CLEC6A: variants seen among roughly 807,000 people sequenced by gnomAD.
CLEC6A encodes C-type lectin domain family 6 member A.
CLEC6A carries 22 observed loss-of-function variants against 25.7 expected under a neutral mutation model. That is an observed-to-expected ratio of 0.85 (90% CI 0.61 to 1.22). CLEC6A has a LOEUF of 1.22. Ranked by LOEUF, CLEC6A falls within the 50% of genes most tolerant of loss-of-function variation. The probability of loss-of-function intolerance (pLI) is 0.00; values close to 1 mark genes in which losing one functional copy is unlikely to be tolerated. For missense variants in CLEC6A, 240 were observed against 236.8 expected, an observed-to-expected ratio of 1.01 and a Z score of -0.09; for synonymous variants, 92 against 76.7, an observed-to-expected ratio of 1.20 and a Z score of -1.04.
chr12:8,457,963 G>T lies in CLEC6A; in HGVS notation c.97G>T (p.Ala33Ser). The T allele has an allele frequency of 6.2e-7, 1 of 1,613,726 alleles. No individual in the cohort carries two copies. The highest frequency in any genetic ancestry group is 8.5e-7 in the Non-Finnish European group (1 of 1,179,640). Residue 33 changes from alanine (A) to serine (S), a missense_variant, in exon 2 of 6, where the codon GCT (alanine) becomes TCT (serine). Coordinates refer to ENST00000382073, the MANE Select transcript of CLEC6A (RefSeq NM_001007033.2). Reference sequence around the variant, plus strand: ...TGGGATTTCCATTGCACTCCTCAGTGCTTGCTTCATTGTGAGCTGTGTAGG... The same window carrying T: ...TGGGATTTCCATTGCACTCCTCAGTTCTTGCTTCATTGTGAGCTGTGTAGG... ...VAGISIALLS[A>S]CFIVSCVVTY...
chr12:8,470,339 G>A (rs1939888631), intron 4 of CLEC6A, among the ~76,000 whole-genome samples: 1 of 152,138 alleles, frequency 6.6e-6, no homozygotes, highest in Non-Finnish European at 1.5e-5. Context: ...TGGTGGGAAT[G>A]TAAACTAGTA....
intron 2 of CLEC6A, 73 bp downstream of exon 2, chr12:8,458,060 T>C: frequency 2.8e-6 from 3 of 1,065,794 alleles, no homozygotes; most frequent in Non-Finnish European, 4.3e-6. Context: ...TCCTAGGATA[T>C]ATTCTCCTTT....
intron 4 of CLEC6A, among the ~76,000 whole-genome samples, chr12:8,471,040 C>A (rs2136364384): frequency 6.6e-6 from 1 of 151,968 alleles, no homozygotes; most frequent in South Asian, 2.1e-4. Flanking sequence ...TTTTATGCAC[C>A]AATTGAGGTA....
At chr12:8,459,899 C>G (rs1939730958) in intron 3 of CLEC6A, among the ~76,000 whole-genome samples, 1 of 152,144 alleles carries the variant, frequency 6.6e-6, no homozygotes, top group South Asian at 2.1e-4. Context: ...CTTCATCACA[C>G]TTCTTGAGCT....
intron 3 of CLEC6A, among the ~76,000 whole-genome samples, chr12:8,462,343 A>G (rs1939769192): frequency 7.2e-6 from 1 of 138,208 alleles, no homozygotes; most frequent in African/African-American, 2.7e-5. Flanking sequence ...CCCCAGCCTG[A>G]CACCCGTAAA....
intron 2 of CLEC6A, 27 bp downstream of exon 2, chr12:8,458,014 C>T: frequency 2.0e-6 from 3 of 1,499,886 alleles, no homozygotes; most frequent in Non-Finnish European, 2.8e-6. Flanking sequence ...GGTGCATTTT[C>T]CTTGCTTCCT....
chr12:8,476,904 C>T (rs938678050), intron 5 of CLEC6A, among the ~76,000 whole-genome samples: 5 of 151,990 alleles, frequency 3.3e-5, no homozygotes. Flanking sequence ...ACTTTTACAT[C>T]CAGATTCAGG....
At chr12:8,459,383 T>C (rs1244971327) in intron 2 of CLEC6A, among the ~76,000 whole-genome samples, 1 of 152,124 alleles carries the variant, frequency 6.6e-6, no homozygotes, top group Admixed American at 6.6e-5. Flanking sequence ...GCCTAAATTC[T>C]AGTGGTGAAA....
At position 8,456,108 on chromosome 12, in the gene CLEC6A, C is replaced by T; in HGVS notation, c.-4C>T. On this transcript the variant is annotated 5_prime_UTR_variant, in exon 1 of 6. Coordinates refer to ENST00000382073, the MANE Select transcript of CLEC6A (RefSeq NM_001007033.2). ...GGACCTTCTCAACACAGGGAGCCTG[C>T]ATAATGATGCAAGAGCAGCAACCTC... 6.2e-7 allele frequency: 1 copy of T among 1,613,684 alleles called. No homozygotes were observed. The highest frequency in any genetic ancestry group is 8.5e-7 in the Non-Finnish European group (1 of 1,179,756).
At chr12:8,475,424 A>T (rs76783652) in intron 4 of CLEC6A, among the ~76,000 whole-genome samples, 2 of 152,016 alleles carry the variant, frequency 1.3e-5, no homozygotes, top group Non-Finnish European at 2.9e-5. Flanking sequence ...ATAGGCTCAC[A>T]TGATTACGTA....
intron 4 of CLEC6A, among the ~76,000 whole-genome samples, chr12:8,466,662 G>GTTT (rs59520151): frequency 6.8e-6 from 1 of 147,060 alleles, no homozygotes; most frequent in South Asian, 2.1e-4. Context: ...GTGTTGTTTT[G>GTTT]TTTTTTTTTT....
intron 2 of CLEC6A, 105 bp from the exon 3 acceptor site, chr12:8,459,492 A>G: frequency 2.9e-6 from 2 of 679,010 alleles, no homozygotes; most frequent in East Asian, 5.0e-5. Flanking sequence ...TTGCCTAGAG[A>G]AACAGCAGTG....
chr12:8,476,530 T>C (rs932465071), intron 5 of CLEC6A, among the ~76,000 whole-genome samples: 2 of 152,136 alleles, frequency 1.3e-5, no homozygotes, highest in Admixed American at 6.6e-5. Context: ...TAAACTATTA[T>C]ATTTTGCTGT....
Position 8,477,502 on chromosome 12 carries a change from C to T in CLEC6A, c.*38C>T, listed in dbSNP as rs111292684. ...TTGGAAAGAAGAGAAGAATTACTGA[C>T]GTAATTTTTTCCCTGACGTCTTTAA... On this transcript the variant is annotated 3_prime_UTR_variant, in exon 6 of 6. Coordinates refer to ENST00000382073, the MANE Select transcript of CLEC6A (RefSeq NM_001007033.2). 163 of 1,519,104 alleles carry T rather than the reference C, an allele frequency of 1.1e-4. No homozygotes were observed. The highest frequency in any genetic ancestry group is 6.5e-4 in the East Asian group (28 of 42,918). The allele number at this position is 1,519,104 out of a possible 1,614,324, so 94.1% of individuals were successfully genotyped here. A position where few individuals can be genotyped will look rare whatever the true frequency, so the allele number is the denominator to read the frequency against.
chr12:8,465,380 A>T (rs7302011), intron 3 of CLEC6A, 104 bp from the exon 4 acceptor site: 923,564 of 1,140,628 alleles, frequency 0.81, 376,182 homozygotes, highest in East Asian at 0.99. Flanking sequence ...AGGAAACAGT[A>T]AAAACGTGAA....
chr12:8,474,210 T>C (rs1939941849), intron 4 of CLEC6A, among the ~76,000 whole-genome samples: 1 of 152,110 alleles, frequency 6.6e-6, no homozygotes, highest in Non-Finnish European at 1.5e-5. Context: ...TGAGGTCATA[T>C]ACTTAAACTT....
rs774337331 is a variant in CLEC6A at position 8,473,854 on chromosome 12, TTGGC to T, written c.370-2268_370-2265del. On this transcript the variant is annotated intron_variant, in intron 4 of 5. Transcript: ENST00000382073. ...AGATGTGCATTTTTTCTTATGTTTGTTGGCTGCTTATATATCTTCTTTTGAGAAG... is the reference window on the plus strand; with the variant it reads ...AGATGTGCATTTTTTCTTATGTTTGTTGCTTATATATCTTCTTTTGAGAAG... Among the ~76,000 whole-genome samples the T allele has an allele frequency of 1.5e-3, 222 of 152,332 alleles. 2 individuals carry two copies. Among genetic ancestry groups the T allele is most frequent in the South Asian group, 0.011 (52 of 4,828 alleles).
At chr12:8,456,499 C>T (rs1384972064) in intron 1 of CLEC6A, among the ~76,000 whole-genome samples, 1 of 152,096 alleles carries the variant, frequency 6.6e-6, no homozygotes, top group African/African-American at 2.4e-5. Flanking sequence ...TCCAATTACC[C>T]TAAGTTTTTT....
At chr12:8,477,268 C>T (rs745306099) in intron 5 of CLEC6A, 52 bp from the exon 6 acceptor site, 2 of 1,474,642 alleles carry the variant, frequency 1.4e-6, no homozygotes, top group African/African-American at 1.4e-5. Context: ...ACTTTCTAAT[C>T]ATTCACCATG....
Sources: gnomAD v4.1 joint callset for allele counts (sites outside exome capture counted in the v4.1 genomes callset) on GRCh38, gnomAD v4.1.1 for gene constraint, MANE v1.5 for transcripts, NCBI Gene and HGNC (gene_info 2026-07-23, HGNC 2026-07-21) for gene names.